Variants in GPSM1 observed in about 807,000 individuals in gnomAD.
GPSM1 encodes the protein G protein-signaling modulator 1.
Under a neutral mutation model 70.5 loss-of-function variants are expected in GPSM1, and 48 were observed. The ratio of observed to expected loss-of-function variants is 0.68; its 90% CI spans 0.54 to 0.87. The LOEUF is 0.87. GPSM1 is among the 40% of genes least tolerant of loss of function. The pLI is 0.00. For missense variants in GPSM1, 981 were observed against 972.6 expected, an observed-to-expected ratio of 1.01 and a Z score of -0.11; for synonymous variants, 416 against 430.1, an observed-to-expected ratio of 0.97 and a Z score of 0.41.
At chr9:136,334,335 G>C in intron 1 of GPSM1, 112 bp from the exon 2 acceptor site, 2 of 707,754 alleles carry the variant, frequency 2.8e-6, no homozygotes, top group Non-Finnish European at 4.8e-6. Context: ...CACAGATGTG[G>C]TGTGTGCCCT....
intron 11 of GPSM1, 130 bp from the exon 12 acceptor site, chr9:136,355,560 A>G (rs1328135601): frequency 1.3e-6 from 1 of 746,162 alleles, no homozygotes; most frequent in Non-Finnish European, 2.2e-6. Context: ...GGTAGCCGAC[A>G]GGGGGCAGGT....
At chr9:136,355,905 G>A in intron 12 of GPSM1, 59 bp downstream of exon 12, 1 of 1,420,714 alleles carries the variant, frequency 7.0e-7, no homozygotes, top group Non-Finnish European at 9.7e-7. Context: ...CCAGGACCAG[G>A]GCTCCCGTCC....
intron 1 of GPSM1, among the ~76,000 whole-genome samples, chr9:136,331,693 G>A (rs1832104365): frequency 6.6e-6 from 1 of 152,224 alleles, no homozygotes; most frequent in African/African-American, 2.4e-5. Flanking sequence ...GAGTTGGCGG[G>A]TGACTGACGG....
At position 136,339,762 on chromosome 9, in the gene GPSM1, C is replaced by T. The variant is rs369402356; in HGVS notation, c.1030C>T (p.Arg344Cys). ...GGGAAATGCCTACGTGTCCATGGGGCGCCCAGCGCAGGCCCTGACCTTCGC... is the reference window on the plus strand; with the variant it reads ...GGGAAATGCCTACGTGTCCATGGGGTGCCCAGCGCAGGCCCTGACCTTCGC... Reference protein sequence around the residue: ...SLGNAYVSMGRPAQALTFAKK... With the variant: ...SLGNAYVSMGCPAQALTFAKK... Residue 344 changes from arginine to cysteine, a missense_variant, in exon 8 of 14, where the codon CGC (arginine) becomes TGC (cysteine). Coordinates refer to ENST00000440944, the MANE Select transcript of GPSM1 (RefSeq NM_001145638.3). 136 of 1,550,000 alleles carry T rather than the reference C, an allele frequency of 8.8e-5. No homozygotes were observed. The highest frequency in any genetic ancestry group is 9.6e-5 in the African/African-American group (7 of 73,034).
chr9:136,332,064 G>A (rs1349671792), intron 1 of GPSM1: 5 of 398,856 alleles, frequency 1.3e-5, no homozygotes, highest in East Asian at 3.6e-5. Context: ...GGAGAAGGCC[G>A]TGTGCAAGGT....
intron 11 of GPSM1, chr9:136,355,032 A>G: frequency 9.5e-7 from 1 of 1,049,336 alleles, no homozygotes; most frequent in Non-Finnish European, 1.2e-6. Flanking sequence ...GGTGAGTGAC[A>G]CGTCCTGGGG....
Position 136,334,684 on chromosome 9 carries a change from C to T in GPSM1, c.290+16C>T. 1 of 1,599,788 alleles carries T rather than the reference C, an allele frequency of 6.3e-7. No individual in the cohort carries two copies. The highest frequency in any genetic ancestry group is 8.5e-7 in the Non-Finnish European group (1 of 1,172,694). On this transcript the variant is annotated intron_variant, in intron 2 of 13. Coordinates refer to ENST00000440944, the MANE Select transcript of GPSM1 (RefSeq NM_001145638.3). ...TGCTGGCGCGGTGAGTGGGGACGGT[C>T]CTGCTGGCGGGTGAGTGGGGCGGCC...
Position 136,333,412 on chromosome 9 carries a change from C to T in GPSM1, c.69-1035C>T, listed in dbSNP as rs75380620. Among the ~76,000 whole-genome samples, 43 of 151,890 alleles carry T rather than the reference C, an allele frequency of 2.8e-4. 2 individuals carry two copies. In the East Asian group the frequency reaches 7.4e-3, roughly 26 times the overall value. ...AGGGAGGTGCGGAGCCGGGCAGCCA[C>T]GGAGTGACCCCACACTCCTCCCCGG... On this transcript the variant is annotated intron_variant, in intron 1 of 13. Coordinates refer to ENST00000440944, the MANE Select transcript of GPSM1 (RefSeq NM_001145638.3).
intron 3 of GPSM1, among the ~76,000 whole-genome samples, chr9:136,336,668 A>T (rs563443681): frequency 2.0e-4 from 31 of 152,280 alleles, no homozygotes; most frequent in Admixed American, 9.1e-4. Context: ...TCATCAGAGG[A>T]CAGAGCTGAG....
At chr9:136,345,997 TC>T (rs1269758918) in intron 9 of GPSM1, among the ~76,000 whole-genome samples, 1 of 152,142 alleles carries the variant, frequency 6.6e-6, no homozygotes, top group Non-Finnish European at 1.5e-5. Context: ...CTAACCCTGA[TC>T]CCGCTGACCA....
At position 136,327,738 on chromosome 9, in the gene GPSM1, C is replaced by A; in HGVS notation, c.43C>A (p.Pro15Thr). ...GCCCGCGGCCGACGAGCTCCCGGGC[C>A]CGGCCGCCAGGCGCCTCTACTCCAG... ...APPAADELPG[P>T]AARRLYSRME... Residue 15 changes from proline to threonine, a missense_variant, in exon 1 of 14, where the codon CCG becomes ACG. Coordinates refer to ENST00000440944, the MANE Select transcript of GPSM1 (RefSeq NM_001145638.3). 8.4e-7 allele frequency: 1 copy of A among 1,194,896 alleles called. No individual in the cohort carries two copies. Among genetic ancestry groups the A allele is most frequent in the Non-Finnish European group, 1.0e-6 (1 of 964,932 alleles). The allele number at this position is 1,194,896 out of a possible 1,614,324, so 74.0% of individuals were successfully genotyped here. A position where few individuals can be genotyped will look rare whatever the true frequency, so the allele number is the denominator to read the frequency against.
Position 136,331,606 on chromosome 9 carries a change from C to T in GPSM1, c.69-2841C>T, listed in dbSNP as rs78931749. On this transcript the variant is annotated intron_variant, in intron 1 of 13. Coordinates refer to ENST00000440944, the MANE Select transcript of GPSM1 (RefSeq NM_001145638.3). ...CGCCATTCCTCTTTCCATTCACAAA[C>T]GTGCCTGGCGCTCCCGAGTGAGCCC... 9.2e-5 allele frequency among the ~76,000 whole-genome samples: 14 copies of T among 152,324 alleles called. No homozygotes were observed. In the East Asian group the frequency reaches 1.2e-3, roughly 13 times the overall value.
At position 136,358,110 on chromosome 9, in the gene GPSM1, G is replaced by A; in HGVS notation, c.1918G>A (p.Val640Met). The change falls in exon 14 of 14, where the codon GTG (valine) becomes ATG (methionine). Residue 640 changes from valine (V) to methionine (M), a missense_variant. Physicochemically the swap from Val to Met is conservative, Grantham distance 21. Coordinates refer to ENST00000440944, the MANE Select transcript of GPSM1 (RefSeq NM_001145638.3). Reference sequence around the variant, plus strand: ...GGACTTCTTCAGCCTCATTCAGAGGGTGCAGGCTAAGCGCATGGACGAGCA... The same window carrying A: ...GGACTTCTTCAGCCTCATTCAGAGGATGCAGGCTAAGCGCATGGACGAGCA... ...DEDFFSLIQR[V>M]QAKRMDEQRV... 6.2e-7 allele frequency: 1 copy of A among 1,612,532 alleles called. No homozygotes were observed. The highest frequency in any genetic ancestry group is 8.5e-7 in the Non-Finnish European group (1 of 1,179,744).
rs782134064 is a variant in GPSM1, at chr9:136,337,482, C to T, written c.620C>T (p.Ala207Val). The change falls in exon 5 of 14, where the codon GCG (alanine) becomes GTG (valine). Residue 207 changes from alanine to valine, a missense_variant. By Grantham distance (64) the Ala-to-Val change is moderately conservative. Transcript: ENST00000440944. ...GTGAAGGAGCTGGGCGACCGTGCGG[C>T]GCAGGGCAGGGCCTACGGCAACCTG... is the stretch of plus-strand genomic sequence containing the variant. ...SLVKELGDRAAQGRAYGNLGN... is the reference protein window; with the variant it reads ...SLVKELGDRAVQGRAYGNLGN... The T allele has an allele frequency of 3.4e-5, 53 of 1,567,006 alleles. No homozygotes were observed. Among genetic ancestry groups the T allele is most frequent in the East Asian group, 4.6e-5 (2 of 43,150 alleles).
At chr9:136,344,239 GGGCGCAGACAGGAGCAGGGGA>G in intron 9 of GPSM1, among the ~76,000 whole-genome samples, 1 of 149,294 alleles carries the variant, frequency 6.7e-6, no homozygotes, top group Non-Finnish European at 1.5e-5. Context: ...AAGCGGGGTG[GGGCGCAGACAGGAGCAGGGGA>G]GGCGCGGACA....
chr9:136,331,072 C>G (rs533143420), intron 1 of GPSM1, among the ~76,000 whole-genome samples: 4 of 152,190 alleles, frequency 2.6e-5, no homozygotes, highest in Non-Finnish European at 4.4e-5. Flanking sequence ...CCTGCCCCCC[C>G]AGTCCCCCGC....
rs781844703 is a variant in GPSM1, at chr9:136,334,640, T to C, written c.262T>C (p.Tyr88His). ...GAAGGAGCACGGCCGGGCGCTGGAA[T>C]ACCACAAGCATGACCTCCTGCTGGC... is the stretch of plus-strand genomic sequence containing the variant. ...YLKEHGRALE[Y>H]HKHDLLLART... Residue 88 changes from tyrosine (Y) to histidine (H), a missense_variant, in exon 2 of 14, where the codon TAC becomes CAC. Physicochemically the swap from Tyr to His is moderately conservative, Grantham distance 83. Coordinates refer to ENST00000440944, the MANE Select transcript of GPSM1 (RefSeq NM_001145638.3). 13 of 1,612,196 alleles carry C rather than the reference T, an allele frequency of 8.1e-6. No homozygotes were observed. Among genetic ancestry groups the C allele is most frequent in the Non-Finnish European group, 8.5e-6 (10 of 1,179,888 alleles).
Position 136,341,733 on chromosome 9 carries a change from G to A in GPSM1, c.1207+740G>A. The A allele has an allele frequency of 1.0e-6, 1 of 988,774 alleles. No homozygotes were observed. Among genetic ancestry groups the A allele is most frequent in the Non-Finnish European group, 1.2e-6 (1 of 831,598 alleles). The allele number at this position is 988,774 out of a possible 1,614,324, so 61.3% of individuals were successfully genotyped here. A position where few individuals can be genotyped will look rare whatever the true frequency, so the allele number is the denominator to read the frequency against. On this transcript the variant is annotated intron_variant, in intron 9 of 13. Coordinates refer to ENST00000440944, the MANE Select transcript of GPSM1 (RefSeq NM_001145638.3). The surrounding 1 kb of genome is among the most constrained non-coding windows in gnomAD (Gnocchi z 6.7). ...CCCAGAACGTACCTGGTGCCCCCCA[G>A]GCCTGCTAAGGACCAGGCTGGGAAC... is the stretch of plus-strand genomic sequence containing the variant.
At chr9:136,331,475 C>T (rs562116272) in intron 1 of GPSM1, among the ~76,000 whole-genome samples, 20 of 152,064 alleles carry the variant, frequency 1.3e-4, no homozygotes, top group Non-Finnish European at 2.2e-4. Flanking sequence ...CCTGGAGAAC[C>T]GGTAGGCGGC....
Sources: allele counts gnomAD v4.1 joint callset (sites outside exome capture counted in the v4.1 genomes callset), GRCh38; gene constraint gnomAD v4.1.1; non-coding constraint Gnocchi (gnomAD v3.1); transcripts MANE v1.5; gene names NCBI Gene and HGNC (gene_info 2026-07-23, HGNC 2026-07-21).